CAPN10: variants seen among roughly 807,000 people sequenced by gnomAD.
CAPN10 encodes calpain-10.
A neutral mutation model predicts 78.4 loss-of-function variants in CAPN10; 71 were observed. That is an observed-to-expected ratio of 0.91 (90% CI 0.75 to 1.10). CAPN10 has a LOEUF of 1.10. Among genes scored for constraint, CAPN10 ranks in the 50% least tolerant of loss-of-function variants. CAPN10 has a pLI of 0.00. For missense variants in CAPN10, 849 were observed against 924.6 expected (o/e 0.92, Z 1.06); for synonymous variants, 437 against 407.2 (o/e 1.07, Z -0.88).
chr2:240,593,275 T>C (rs2093114551), intron 4 of CAPN10, among the ~76,000 whole-genome samples: 1 of 152,218 alleles, frequency 6.6e-6, no homozygotes, highest in South Asian at 2.1e-4. Flanking sequence ...GGAGGTGCAT[T>C]GGAGCCTGCT....
Position 240,596,537 on chromosome 2 carries a change from C to A in CAPN10, c.1481+16C>A. On this transcript the variant is annotated intron_variant, in intron 8 of 11. Transcript: ENST00000391984. ...TCTCCCTTAGGTGAGAGGAACCGCG[C>A]AGTGCTGCTGGCTCTCCGAGGCCAC... 1.3e-6 allele frequency: 2 copies of A among 1,588,132 alleles called. No individual in the cohort carries two copies. Among genetic ancestry groups the A allele is most frequent in the South Asian group, 2.3e-5 (2 of 88,518 alleles).
At chr2:240,588,569 G>T (rs1024946647) in intron 1 of CAPN10, among the ~76,000 whole-genome samples, 1 of 152,186 alleles carries the variant, frequency 6.6e-6, no homozygotes, top group Non-Finnish European at 1.5e-5. Flanking sequence ...GGGGAAGAGA[G>T]TTGGGACCAA....
chr2:240,591,268 T>C (rs192546652), intron 3 of CAPN10: 2 of 477,164 alleles, frequency 4.2e-6, no homozygotes, highest in South Asian at 3.3e-5. Context: ...ACAGAGAACA[T>C]GTGTGCCGTC....
At chr2:240,598,153 G>A (rs776144771) in intron 10 of CAPN10, 66 bp downstream of exon 10, 27 of 1,458,708 alleles carry the variant, frequency 1.9e-5, no homozygotes, top group Non-Finnish European at 2.3e-5. Flanking sequence ...GTGCTCGCCT[G>A]TCCCCCCACG....
intron 7 of CAPN10, chr2:240,596,051 T>A (rs2093134382): frequency 6.6e-7 from 1 of 1,514,958 alleles, no homozygotes; most frequent in Admixed American, 2.0e-5. Context: ...GCCCCCAGGT[T>A]GCCTGGGCCA....
rs1300563570 is a variant in CAPN10 at position 240,586,934 on chromosome 2, C to T, written c.23C>T (p.Thr8Met). The T allele has an allele frequency of 1.4e-6, 2 of 1,451,196 alleles. No homozygotes were observed. Among genetic ancestry groups the T allele is most frequent in the Non-Finnish European group, 1.8e-6 (2 of 1,103,146 alleles). The allele number at this position is 1,451,196 out of a possible 1,614,324, so 89.9% of individuals were successfully genotyped here. Residue 8 changes from threonine (T) to methionine (M), a missense_variant, in exon 1 of 12, where the codon ACG (threonine) becomes ATG (methionine). By Grantham distance (81) the Thr-to-Met change is moderately conservative (BLOSUM62 -1). Transcript: ENST00000391984. ...AGGATGCGGGCGGGCCGGGGCGCGACGCCGGCGAGGGAGCTGTTCCGGGAC... is the reference window on the plus strand; with the variant it reads ...AGGATGCGGGCGGGCCGGGGCGCGATGCCGGCGAGGGAGCTGTTCCGGGAC... MRAGRGA[T>M]PARELFRDAA...
intron 7 of CAPN10, chr2:240,596,015 G>A (rs1435924245): frequency 1.4e-6 from 2 of 1,465,674 alleles, no homozygotes; most frequent in Non-Finnish European, 1.8e-6. Flanking sequence ...TGCAAAAGAA[G>A]TTGCTGGAAG....
At position 240,598,934 on chromosome 2, in the gene CAPN10, A is replaced by G. The variant is rs1415704067; in HGVS notation, c.*254A>G. 1 of 569,120 alleles carries G rather than the reference A, an allele frequency of 1.8e-6. No homozygotes were observed. Among genetic ancestry groups the G allele is most frequent in the African/African-American group, 1.9e-5 (1 of 53,404 alleles). 35.3% of individuals were successfully genotyped at this position (569,120 alleles called of 1,614,324 possible). A position where few individuals can be genotyped will look rare whatever the true frequency, so the allele number is the denominator to read the frequency against. On this transcript the variant is annotated 3_prime_UTR_variant, in exon 12 of 12. Transcript: ENST00000391984. ...TTCTGTTGCGCCACTGAGACGGCAG[A>G]GACCCCAGGATCCCAGAGCTTCCCA...
In CAPN10 at chr2:240,596,504, C is replaced by T. The variant is rs774659955; in HGVS notation, c.1464C>T (p.Thr488=). The change falls in exon 8 of 12, where the codon ACC becomes ACT. Residue 488 remains threonine (T), a synonymous_variant. Transcript: ENST00000391984. ...AGTTCCTGCTCCGAGTCTTCTCTAC[C>T]GGGCGAGTCTCCCTTAGGTGAGAGG... is the stretch of plus-strand genomic sequence containing the variant. ...PGEFLLRVFS[T]GRVSLSAIRA... The T allele has an allele frequency of 3.7e-6, 6 of 1,608,916 alleles. No individual in the cohort carries two copies. The highest frequency in any genetic ancestry group is 1.7e-5 in the Admixed American group (1 of 59,818).
At chr2:240,593,666 G>A (rs1467843946) in intron 4 of CAPN10, among the ~76,000 whole-genome samples, 1 of 152,232 alleles carries the variant, frequency 6.6e-6, no homozygotes, top group Non-Finnish European at 1.5e-5. Flanking sequence ...CCCAGCACCA[G>A]ACCCGGATGG....
chr2:240,594,572 C>T lies in CAPN10; in HGVS notation c.860C>T (p.Ala287Val), dbSNP rs149240512. ...GAAGGGTGGAGCCAGGTAGATGCAGCGGTAGCATCTGAGCTCCTGTCCCAG... is the reference window on the plus strand; with the variant it reads ...GAAGGGTGGAGCCAGGTAGATGCAGTGGTAGCATCTGAGCTCCTGTCCCAG... ...GGEGWSQVDA[A>V]VASELLSQLQ... The change falls in exon 6 of 12, where the codon GCG (alanine) becomes GTG (valine). Residue 287 changes from alanine (A) to valine (V), a missense_variant. Physicochemically the swap from Ala to Val is moderately conservative, Grantham distance 64. Transcript: ENST00000391984. 27 of 1,613,610 alleles carry T rather than the reference C, an allele frequency of 1.7e-5. No homozygotes were observed. In the South Asian group the frequency reaches 1.9e-4, roughly 11 times the overall value.
intron 4 of CAPN10, among the ~76,000 whole-genome samples, chr2:240,593,431 A>G (rs2093115738): frequency 6.6e-6 from 1 of 152,218 alleles, no homozygotes. Flanking sequence ...GTCTCTGGCC[A>G]GGTGGAGCTG....
intron 1 of CAPN10, among the ~76,000 whole-genome samples, chr2:240,587,267 C>T (rs1559422297): frequency 1.3e-5 from 2 of 152,242 alleles, no homozygotes; most frequent in Admixed American, 1.3e-4. Flanking sequence ...GGACGCTAAA[C>T]TAGGTCGTGG....
intron 4 of CAPN10, among the ~76,000 whole-genome samples, chr2:240,593,135 C>A (rs1433644847): frequency 1.3e-5 from 2 of 152,202 alleles, no homozygotes; most frequent in African/African-American, 4.8e-5. Flanking sequence ...AGTGAGGGCG[C>A]TGGTCTGGTG....
Position 240,591,966 on chromosome 2 carries a change from G to A in CAPN10, c.504G>A (p.Gly168=). 1 of 1,613,566 alleles carries A rather than the reference G, an allele frequency of 6.2e-7. No individual in the cohort carries two copies. The highest frequency in any genetic ancestry group is 8.5e-7 in the Non-Finnish European group (1 of 1,179,998). ...GGTCCTACGAGCACCTGTGGGCCGGGCAGGTGGCGGATGCCCTGGTGGACC... is the reference window on the plus strand; with the variant it reads ...GGTCCTACGAGCACCTGTGGGCCGGACAGGTGGCGGATGCCCTGGTGGACC... ...VHGSYEHLWA[G]QVADALVDLT... The change falls in exon 4 of 12, where the codon GGG becomes GGA. Residue 168 remains glycine, a synonymous_variant. Transcript: ENST00000391984.
Position 240,598,864 on chromosome 2 carries a change from T to C in CAPN10, c.*184T>C. The C allele has an allele frequency of 1.6e-6, 1 of 618,864 alleles. No individual in the cohort carries two copies. Among genetic ancestry groups the C allele is most frequent in the Non-Finnish European group, 2.9e-6 (1 of 341,822 alleles). 38.3% of individuals were successfully genotyped at this position (618,864 alleles called of 1,614,324 possible). On this transcript the variant is annotated 3_prime_UTR_variant, in exon 12 of 12. Coordinates refer to ENST00000391984, the MANE Select transcript of CAPN10 (RefSeq NM_023083.4). The stretch of plus-strand genomic sequence containing the variant: ...GCCTCCGTCAGGAGAGACGCAGCCC[T>C]GGGGGCCAGCTGGTGCTGCAAGGAA...
In CAPN10 at chr2:240,596,450, C is replaced by T. The variant is rs2093137399; in HGVS notation, c.1410C>T (p.Pro470=). 2 of 1,613,456 alleles carry T rather than the reference C, an allele frequency of 1.2e-6. No individual in the cohort carries two copies. The highest frequency in any genetic ancestry group is 1.3e-5 in the African/African-American group (1 of 74,936). ...ELSPGYYLAV[P]STFLKDAPGE... ...CACCGGGCTACTACCTGGCTGTCCC[C>T]AGCACCTTCCTGAAGGACGCGCCAG... Residue 470 remains proline (P), a synonymous_variant, in exon 8 of 12, where the codon CCC becomes CCT. Coordinates refer to ENST00000391984, the MANE Select transcript of CAPN10 (RefSeq NM_023083.4).
At chr2:240,596,208 C>T (rs938653886) in intron 7 of CAPN10, 111 bp from the exon 8 acceptor site, 10 of 1,474,416 alleles carry the variant, frequency 6.8e-6, no homozygotes, top group African/African-American at 2.8e-5. Flanking sequence ...CAGGCCTTGG[C>T]GCTTTCATCT....
chr2:240,591,800 G>C lies in CAPN10; in HGVS notation c.471-133G>C, dbSNP rs930450133. The C allele has an allele frequency of 5.7e-5, 42 of 734,514 alleles. No individual in the cohort carries two copies. The African/African-American group carries it at 7.0e-4, about 12-fold the overall frequency. 45.5% of individuals were successfully genotyped at this position (734,514 alleles called of 1,614,324 possible). A position where few individuals can be genotyped will look rare whatever the true frequency, so the allele number is the denominator to read the frequency against. On this transcript the variant is annotated intron_variant, in intron 3 of 11. Coordinates refer to ENST00000391984, the MANE Select transcript of CAPN10 (RefSeq NM_023083.4). Reference sequence around the variant, plus strand: ...GCCTTGACTTGGTGAGGATGAGGAAGAAGGCAGAGGGGAGTAAAGAGGTGG... The same window carrying C: ...GCCTTGACTTGGTGAGGATGAGGAACAAGGCAGAGGGGAGTAAAGAGGTGG...
Sources: allele counts gnomAD v4.1 joint callset (sites outside exome capture counted in the v4.1 genomes callset), GRCh38; gene constraint gnomAD v4.1.1; transcripts MANE v1.5; gene names NCBI Gene and HGNC (gene_info 2026-07-23, HGNC 2026-07-21).